ADD2: variants seen among roughly 807,000 people sequenced by gnomAD.
ADD2 encodes beta-adducin.
ADD2 carries 23 observed loss-of-function variants against 83.0 expected under a neutral mutation model. The ratio of observed to expected loss-of-function variants is 0.28; its 90% confidence interval spans 0.20 to 0.39. The LOEUF (loss-of-function observed/expected upper bound fraction) is 0.39. Ranked by LOEUF, ADD2 falls within the 10% of genes least tolerant of loss-of-function variation. The pLI, the probability that ADD2 is intolerant of heterozygous loss-of-function variation, is 1.00. For missense variants in ADD2, 758 were observed against 944.9 expected, an observed-to-expected ratio of 0.80 and a Z score of 2.59; for synonymous variants, 375 against 375.4, an observed-to-expected ratio of 1.00 and a Z score of 0.01.
chr2:70,696,548 G>C, intron 4 of ADD2, 152 bp from the exon 5 acceptor site: 5 of 1,024,950 alleles, frequency 4.9e-6, no homozygotes, highest in Non-Finnish European at 5.7e-6. Context: ...ACCTGGGGCA[G>C]GAGTCCACAG....
At chr2:70,729,763 G>GTT (rs1673189195) in intron 1 of ADD2, among the ~76,000 whole-genome samples, 1 of 152,106 alleles carries the variant, frequency 6.6e-6, no homozygotes. Flanking sequence ...ATACCCCCTT[G>GTT]GACCATCAGA....
intron 1 of ADD2, among the ~76,000 whole-genome samples, chr2:70,715,424 T>G (rs1553376179): frequency 6.6e-6 from 1 of 152,020 alleles, no homozygotes. Context: ...CCCACATCCC[T>G]CAGGCAGAGC....
intron 1 of ADD2, among the ~76,000 whole-genome samples, chr2:70,757,466 T>G (rs1553384071): frequency 1.3e-5 from 2 of 152,006 alleles, no homozygotes; most frequent in East Asian, 3.9e-4. Flanking sequence ...TCACACACAG[T>G]ATGGTGGGAA....
In ADD2 at chr2:70,677,019, C is replaced by A. The variant is rs1183944116; in HGVS notation, c.1504-134G>T. The A allele has an allele frequency of 5.0e-6, 7 of 1,400,856 alleles. No individual in the cohort carries two copies. The African/African-American group carries it at 1.0e-4, about 20-fold the overall frequency. 86.8% of individuals were successfully genotyped at this position (1,400,856 alleles called of 1,614,324 possible). A position where few individuals can be genotyped will look rare whatever the true frequency, so the allele number is the denominator to read the frequency against. On this transcript the variant is annotated intron_variant, in intron 12 of 15. Transcript: ENST00000264436. ...TGGGAGCCCGTCACCTATCCTAATG[C>A]AATCCTTGTACTTTAAGGGGGGGCC...
At chr2:70,758,262 C>A (rs1267515110) in intron 1 of ADD2, among the ~76,000 whole-genome samples, 2 of 152,194 alleles carry the variant, frequency 1.3e-5, no homozygotes, top group Non-Finnish European at 2.9e-5. Context: ...GATTTTACAT[C>A]TTTTCTCCAT....
At chr2:70,742,946 T>G (rs1673999664) in intron 1 of ADD2, among the ~76,000 whole-genome samples, 1 of 152,234 alleles carries the variant, frequency 6.6e-6, no homozygotes, top group Admixed American at 6.5e-5. Context: ...ATACACTCTC[T>G]TTGAAAATCT....
chr2:70,676,791 T>C lies in ADD2; in HGVS notation c.1593+5A>G. ...CCCGCCAGTCAGGGGCAGCCTCTGC[T>C]CTACCGGGCTTCGGCTCTTCTCGGC... On this transcript the variant is annotated splice_donor_5th_base_variant and intron_variant, in intron 13 of 15. Coordinates refer to ENST00000264436, the MANE Select transcript of ADD2 (RefSeq NM_001617.4). The surrounding 1 kb of genome is among the most constrained non-coding windows in gnomAD (Gnocchi z 4.8). 6.2e-7 allele frequency: 1 copy of C among 1,614,144 alleles called. No individual in the cohort carries two copies. The highest frequency in any genetic ancestry group is 8.5e-7 in the Non-Finnish European group (1 of 1,180,010).
chr2:70,733,012 A>T (rs1673360607), intron 1 of ADD2, among the ~76,000 whole-genome samples: 1 of 152,176 alleles, frequency 6.6e-6, no homozygotes, highest in Admixed American at 6.5e-5. Flanking sequence ...ATCTCATCAC[A>T]GCCACTCTTG....
chr2:70,768,075 G>T lies in ADD2; in HGVS notation c.-343C>A. The T allele has an allele frequency of 8.1e-7, 1 of 1,231,572 alleles. No homozygotes were observed. The highest frequency in any genetic ancestry group is 1.1e-6 in the Non-Finnish European group (1 of 908,824). The allele number at this position is 1,231,572 out of a possible 1,614,324, so 76.3% of individuals were successfully genotyped here. ...TCCCCCAGCAGTGCAGCGGCTCCGC[G>T]GCGGCGGGGATGACTGGCCACCGAC... is the stretch of plus-strand genomic sequence containing the variant. On this transcript the variant is annotated 5_prime_UTR_variant, in exon 1 of 16. Coordinates refer to ENST00000264436, the MANE Select transcript of ADD2 (RefSeq NM_001617.4).
intron 1 of ADD2, among the ~76,000 whole-genome samples, chr2:70,726,097 G>T (rs931219373): frequency 8.7e-5 from 12 of 138,464 alleles, no homozygotes; most frequent in African/African-American, 3.3e-4. Context: ...TGAGGCAGGA[G>T]AATGGCATGA....
chr2:70,693,333 G>A (rs1008291624), intron 6 of ADD2, among the ~76,000 whole-genome samples: 1 of 152,156 alleles, frequency 6.6e-6, no homozygotes, highest in Admixed American at 6.5e-5. Context: ...TTCACTGACT[G>A]CAGTTGTTCC....
Position 70,703,156 on chromosome 2 carries a change from AAAAGAAAAG to A in ADD2, c.322+1156_322+1164del, listed in dbSNP as rs1449694884. On this transcript the variant is annotated intron_variant, in intron 4 of 15. Coordinates refer to ENST00000264436, the MANE Select transcript of ADD2 (RefSeq NM_001617.4). ...AGAAAAGAAAAAGGAAAGGAAGAAG[AAAAGAAAAG>A]AAAGAAAAGAAAAAGGAAAGGAAAG... Among the ~76,000 whole-genome samples, 19 of 141,492 alleles carry A rather than the reference AAAAGAAAAG, an allele frequency of 1.3e-4. No individual in the cohort carries two copies. In the South Asian group the frequency reaches 2.7e-3, roughly 20 times the overall value. 92.8% of individuals were successfully genotyped at this position (141,492 alleles called of 152,430 possible). A position where few individuals can be genotyped will look rare whatever the true frequency, so the allele number is the denominator to read the frequency against.
At chr2:70,671,400 C>G (rs1674873384) in intron 15 of ADD2, among the ~76,000 whole-genome samples, 1 of 151,996 alleles carries the variant, frequency 6.6e-6, no homozygotes, top group South Asian at 2.1e-4. Flanking sequence ...ATGCATAGTG[C>G]ATGTGGAATT....
At chr2:70,697,328 T>C (rs1340368821) in intron 4 of ADD2, among the ~76,000 whole-genome samples, 5 of 152,194 alleles carry the variant, frequency 3.3e-5, no homozygotes, top group Admixed American at 6.5e-5. Flanking sequence ...GGTGGTTCTT[T>C]CTGGGAATTT....
In ADD2 at chr2:70,765,701, A is replaced by T. The variant is rs58358075; in HGVS notation, c.-154+2185T>A. ...GGGTTCGTCAATTTCTTTTTTGCTT[A>T]TGCTGCAAGAAAGTTTAGAGCTGTT... On this transcript the variant is annotated intron_variant, in intron 1 of 15. Coordinates refer to ENST00000264436, the MANE Select transcript of ADD2 (RefSeq NM_001617.4). 1.8e-3 allele frequency among the ~76,000 whole-genome samples: 273 copies of T among 152,354 alleles called. 1 individual carries two copies. The highest frequency in any genetic ancestry group is 6.2e-3 in the African/African-American group (259 of 41,590).
At chr2:70,673,804 C>A (rs1362518145) in intron 14 of ADD2, among the ~76,000 whole-genome samples, 2 of 152,120 alleles carry the variant, frequency 1.3e-5, no homozygotes, top group Non-Finnish European at 2.9e-5. Flanking sequence ...ACCATGTTGG[C>A]CAGACTGGTC....
intron 15 of ADD2, among the ~76,000 whole-genome samples, chr2:70,666,004 T>C (rs1284727926): frequency 9.2e-5 from 14 of 152,124 alleles, no homozygotes; most frequent in Admixed American, 2.6e-4. Flanking sequence ...TTAGTAGAGA[T>C]GGGGTTTCAC....
intron 2 of ADD2, among the ~76,000 whole-genome samples, chr2:70,711,592 A>C (rs927620879): frequency 3.9e-5 from 6 of 152,178 alleles, no homozygotes; most frequent in African/African-American, 7.2e-5. Flanking sequence ...TTTTAAAAAA[A>C]ACTCTGGACA....
At chr2:70,683,311 G>A (rs1670552806) in intron 10 of ADD2, among the ~76,000 whole-genome samples, 1 of 152,132 alleles carries the variant, frequency 6.6e-6, no homozygotes, top group African/African-American at 2.4e-5. Context: ...AAAGGTGTGA[G>A]CCACTGCGCC....
Sources: allele counts gnomAD v4.1 joint callset (sites outside exome capture counted in the v4.1 genomes callset), GRCh38; gene constraint gnomAD v4.1.1; non-coding constraint Gnocchi (gnomAD v3.1); transcripts MANE v1.5; gene names NCBI Gene and HGNC (gene_info 2026-07-23, HGNC 2026-07-21).